Variants in SDK1 observed in about 807,000 individuals in gnomAD.
SDK1 encodes the protein sidekick cell adhesion molecule 1, also known as protein sidekick-1.
SDK1 carries 157 observed loss-of-function variants against 245.5 expected under a neutral mutation model. That is an observed-to-expected ratio of 0.64 (90% CI 0.56 to 0.73). The LOEUF is 0.73. Among genes scored for constraint, SDK1 ranks in the 30% least tolerant of loss-of-function variants. The pLI is 0.00. For synonymous variants in SDK1, 1,647 were observed against 1,278.5 expected (o/e 1.29, Z -6.15); for missense variants, 3,583 against 3,002.3 (o/e 1.19, Z -4.52).
At position 4,268,877 on chromosome 7, in the gene SDK1, C is replaced by G; in HGVS notation, c.*3493C>G. The G allele has an allele frequency of 2.0e-6, 1 of 512,406 alleles. No individual in the cohort carries two copies. Among genetic ancestry groups the G allele is most frequent in the Non-Finnish European group, 3.4e-6 (1 of 291,870 alleles). 31.7% of individuals were successfully genotyped at this position (512,406 alleles called of 1,614,324 possible). A position where few individuals can be genotyped will look rare whatever the true frequency, so the allele number is the denominator to read the frequency against. The stretch of plus-strand genomic sequence containing the variant: ...CCGTCAGGTCCCTAAACGTTCCCTA[C>G]AACTTTTTCTGAAATTGTGCAGAAA... On this transcript the variant is annotated 3_prime_UTR_variant, in exon 45 of 45. Transcript: ENST00000404826.
intron 44 of SDK1, among the ~76,000 whole-genome samples, chr7:4,260,305 G>T (rs560222501): frequency 2.2e-4 from 31 of 138,012 alleles, no homozygotes; most frequent in African/African-American, 7.5e-4. Flanking sequence ...TGTGTTCATC[G>T]TCACCTGATG....
At chr7:3,507,539 A>C (rs1310580416) in intron 1 of SDK1, among the ~76,000 whole-genome samples, 2 of 152,164 alleles carry the variant, frequency 1.3e-5, no homozygotes, top group African/African-American at 4.8e-5. Context: ...ATCTAGTGCT[A>C]GTTACTCCAC....
intron 1 of SDK1, among the ~76,000 whole-genome samples, chr7:3,334,270 C>T (rs1345460548): frequency 6.6e-6 from 1 of 152,180 alleles, no homozygotes; most frequent in Non-Finnish European, 1.5e-5. Context: ...GTAGTCCTTT[C>T]ACCTTTCCTT....
At chr7:3,807,608 G>C (rs1779284069) in intron 4 of SDK1, among the ~76,000 whole-genome samples, 1 of 152,180 alleles carries the variant, frequency 6.6e-6, no homozygotes, top group South Asian at 2.1e-4. Flanking sequence ...AACAGAGAGA[G>C]TGGGCCAAGG....
intron 1 of SDK1, among the ~76,000 whole-genome samples, chr7:3,498,041 A>G (rs1348753292): frequency 6.6e-6 from 1 of 152,222 alleles, no homozygotes; most frequent in Non-Finnish European, 1.5e-5. Context: ...ATTTAAAGAA[A>G]CTAACACTCC....
intron 1 of SDK1, among the ~76,000 whole-genome samples, chr7:3,363,238 G>A (rs928944811): frequency 2.0e-5 from 3 of 152,050 alleles, no homozygotes; most frequent in Non-Finnish European, 4.4e-5. Context: ...TTTGGATATT[G>A]CTCTTTTTTC....
At chr7:3,355,136 G>A (rs1780757303) in intron 1 of SDK1, among the ~76,000 whole-genome samples, 1 of 152,178 alleles carries the variant, frequency 6.6e-6, no homozygotes, top group Non-Finnish European at 1.5e-5. Flanking sequence ...GCAGCAAGGT[G>A]TTTTCCTGTT....
intron 40 of SDK1, among the ~76,000 whole-genome samples, chr7:4,232,042 CTTTT>C (rs58243380): frequency 9.1e-5 from 12 of 131,810 alleles, no homozygotes; most frequent in Middle Eastern, 3.9e-3. Flanking sequence ...TCTGAGCCTA[CTTTT>C]TTTTTTTTTT....
At chr7:3,978,110 A>G (rs891745351) in intron 13 of SDK1, among the ~76,000 whole-genome samples, 1 of 151,598 alleles carries the variant, frequency 6.6e-6, no homozygotes, top group Non-Finnish European at 1.5e-5. Flanking sequence ...TCATTTTGAT[A>G]ATATAGGAGG....
intron 5 of SDK1, among the ~76,000 whole-genome samples, chr7:3,894,282 C>G (rs1210222231): frequency 2.0e-5 from 3 of 152,190 alleles, no homozygotes; most frequent in African/African-American, 7.2e-5. Context: ...GTGCATGGCT[C>G]CTGCTAAATT....
intron 25 of SDK1, among the ~76,000 whole-genome samples, 198 bp downstream of exon 25, chr7:4,114,472 T>C (rs1783567915): frequency 6.6e-6 from 1 of 152,204 alleles, no homozygotes; most frequent in Admixed American, 6.5e-5. Flanking sequence ...AAGCCATTCA[T>C]TGGAAACTGG....
chr7:3,950,516 C>T (rs755732482), intron 5 of SDK1, among the ~76,000 whole-genome samples: 1 of 152,096 alleles, frequency 6.6e-6, no homozygotes, highest in Admixed American at 6.5e-5. Context: ...TATCATTGTT[C>T]TGTTTCATTA....
At chr7:3,546,237 T>TG (rs1358262138) in intron 1 of SDK1, among the ~76,000 whole-genome samples, 2 of 152,264 alleles carry the variant, frequency 1.3e-5, no homozygotes, top group East Asian at 3.9e-4. Flanking sequence ...GGAACCACAC[T>TG]GTAACGAACA....
chr7:4,002,384 A>AT (rs1785137675), intron 14 of SDK1, among the ~76,000 whole-genome samples: 2 of 152,192 alleles, frequency 1.3e-5, no homozygotes, highest in Non-Finnish European at 2.9e-5. Context: ...GACGACAGTA[A>AT]TTTAAGGGCG....
chr7:3,503,887 C>T (rs1225342491), intron 1 of SDK1, among the ~76,000 whole-genome samples: 3 of 152,054 alleles, frequency 2.0e-5, no homozygotes, highest in African/African-American at 7.2e-5. Context: ...CATGGTGGCT[C>T]ATGCCCGTAA....
chr7:3,838,466 G>A (rs1467945046), intron 5 of SDK1, among the ~76,000 whole-genome samples: 1 of 152,242 alleles, frequency 6.6e-6, no homozygotes, highest in African/African-American at 2.4e-5. Flanking sequence ...TTGGGAAGAG[G>A]TCATCCTGGC....
chr7:4,115,594 C>G (rs1783653316), intron 25 of SDK1, among the ~76,000 whole-genome samples: 1 of 152,156 alleles, frequency 6.6e-6, no homozygotes, highest in African/African-American at 2.4e-5. Flanking sequence ...GCTCCTGAGC[C>G]CAGCATGAGT....
intron 1 of SDK1, among the ~76,000 whole-genome samples, chr7:3,321,782 T>C (rs184815273): frequency 0.026 from 1,359 of 51,400 alleles, 76 homozygotes; most frequent in African/African-American, 0.13. Flanking sequence ...TTCCTTCTCC[T>C]TCCTTCCTTC....
At chr7:3,407,806 T>A (rs1437460195) in intron 1 of SDK1, among the ~76,000 whole-genome samples, 1 of 152,172 alleles carries the variant, frequency 6.6e-6, no homozygotes, top group East Asian at 1.9e-4. Context: ...GTTCCCACTT[T>A]TGTGGCAGAG....
Sources: allele counts gnomAD v4.1 joint callset (sites outside exome capture counted in the v4.1 genomes callset), GRCh38; gene constraint gnomAD v4.1.1; transcripts MANE v1.5; gene names NCBI Gene and HGNC (gene_info 2026-07-23, HGNC 2026-07-21).